The following SYNE1 variants were observed in gnomAD, a reference collection of about 807,000 sequenced individuals.
SYNE1 encodes the protein nesprin-1.
In SYNE1, 616 loss-of-function variants were observed where a neutral mutation model predicts 1,111.0. The observed-to-expected ratio is 0.55, with a 90% CI of 0.52 to 0.59. The LOEUF (loss-of-function observed/expected upper bound fraction) is 0.59, where lower values mean the gene tolerates loss of function less well. Ranked by LOEUF, SYNE1 falls within the 20% of genes least tolerant of loss-of-function variation. The probability of loss-of-function intolerance (pLI) is 0.00; values close to 1 mark genes in which losing one functional copy is unlikely to be tolerated. For missense variants in SYNE1, 10,006 were observed against 10,417.0 expected (o/e 0.96, Z 1.72); for synonymous variants, 3,855 against 3,825.8 (o/e 1.01, Z -0.28).
intron 11 of SYNE1, among the ~76,000 whole-genome samples, chr6:152,489,073 T>C (rs556171035): frequency 2.0e-5 from 3 of 152,328 alleles, no homozygotes; most frequent in African/African-American, 4.8e-5. Context: ...TATCAAGTTA[T>C]TTGGTGAATA....
chr6:152,344,287 T>C (rs1158426107), intron 73 of SYNE1, 60 bp from the exon 74 acceptor site: 19 of 1,609,388 alleles, frequency 1.2e-5, no homozygotes, highest in East Asian at 2.2e-5. Context: ...ATAAAGATCA[T>C]TCAAATTCAA....
At chr6:152,592,970 TG>T (rs753816754) in intron 3 of SYNE1, among the ~76,000 whole-genome samples, 5 of 152,132 alleles carry the variant, frequency 3.3e-5, no homozygotes, top group Non-Finnish European at 7.4e-5. Flanking sequence ...GCTCCTGGGG[TG>T]GGCTCTGACC....
intron 10 of SYNE1, among the ~76,000 whole-genome samples, chr6:152,500,728 T>G (rs2099024985): frequency 6.6e-6 from 1 of 151,976 alleles, no homozygotes; most frequent in South Asian, 2.1e-4. Flanking sequence ...GGTGAGAGGA[T>G]CATGAGGTTA....
chr6:152,161,507 T>G (rs1225187982), intron 131 of SYNE1, among the ~76,000 whole-genome samples: 1 of 152,042 alleles, frequency 6.6e-6, no homozygotes, highest in Non-Finnish European at 1.5e-5. Flanking sequence ...AAAAATGGCA[T>G]CCTATCATTT....
intron 65 of SYNE1, 107 bp downstream of exon 65, chr6:152,359,208 T>A (rs2096890249): frequency 6.6e-7 from 1 of 1,508,292 alleles, no homozygotes; most frequent in Non-Finnish European, 9.2e-7. Flanking sequence ...TTGCTTTTGT[T>A]CTGTTTTCCC....
chr6:152,308,703 GTAGTTTAACTCCTA>G, intron 90 of SYNE1, 71 bp from the exon 91 acceptor site: 1 of 1,512,756 alleles, frequency 6.6e-7, no homozygotes, highest in Non-Finnish European at 8.9e-7. Context: ...AAGTGATTCT[GTAGTTTAACTCCTA>G]TTTACCTGTA....
intron 64 of SYNE1, among the ~76,000 whole-genome samples, chr6:152,360,283 G>GTTTC (rs1413509572): frequency 6.6e-6 from 1 of 152,102 alleles, no homozygotes; most frequent in African/African-American, 2.4e-5. Context: ...CCTACTCTCT[G>GTTTC]CTGCAACAAC....
chr6:152,477,700 A>G (rs1413053085), intron 14 of SYNE1, among the ~76,000 whole-genome samples: 2 of 152,170 alleles, frequency 1.3e-5, no homozygotes, highest in Non-Finnish European at 2.9e-5. Flanking sequence ...TTTTGCTTAC[A>G]GATGTATCAC....
At position 152,353,363 on chromosome 6, in the gene SYNE1, G is replaced by T. The variant is rs1375339297; in HGVS notation, c.11153C>A (p.Ser3718Tyr). The T allele has an allele frequency of 1.2e-6, 2 of 1,614,072 alleles. No individual in the cohort carries two copies. Among genetic ancestry groups the T allele is most frequent in the African/African-American group, 2.7e-5 (2 of 74,924 alleles). Reference protein sequence around the residue: ...EESESSLSSYSDWYGSTHKNF... With the variant: ...EESESSLSSYYDWYGSTHKNF... ...TTTATGAGTAGAGCCATACCAATCA[G>T]AATAGGAACTGAGGGATGATTCTGA... Residue 3718 changes from serine (S) to tyrosine (Y), a missense_variant, in exon 69 of 146, where the codon TCT (serine) becomes TAT (tyrosine). By Grantham distance (144) the Ser-to-Tyr change is moderately radical. This residue lies in a region of SYNE1 where 4,955 missense variants were observed against 5,017.2 expected (regional missense o/e 0.99). Transcript: ENST00000367255.
At chr6:152,602,854 G>GGT (rs1320884059) in intron 3 of SYNE1, among the ~76,000 whole-genome samples, 1 of 152,108 alleles carries the variant, frequency 6.6e-6, no homozygotes, top group Non-Finnish European at 1.5e-5. Flanking sequence ...AATTGATGAA[G>GGT]GTGTGTGTGT....
chr6:152,222,195 C>T (rs1176282713), intron 117 of SYNE1, among the ~76,000 whole-genome samples: 1 of 152,220 alleles, frequency 6.6e-6, no homozygotes, highest in Non-Finnish European at 1.5e-5. Context: ...CTCCTTCTCT[C>T]CTTTGTTCAG....
At chr6:152,333,947 T>C (rs1355566656) in intron 77 of SYNE1, 61 bp downstream of exon 77, 3 of 1,610,484 alleles carry the variant, frequency 1.9e-6, no homozygotes, top group Non-Finnish European at 2.5e-6. Flanking sequence ...TTTAAATTTT[T>C]ATAGATATTA....
At chr6:152,323,127 T>C (rs2095922866) in intron 82 of SYNE1, among the ~76,000 whole-genome samples, 1 of 152,176 alleles carries the variant, frequency 6.6e-6, no homozygotes, top group African/African-American at 2.4e-5. Context: ...CTTCATAACC[T>C]ACTTATCCCA....
chr6:152,563,039 T>G (rs920650395), intron 3 of SYNE1, among the ~76,000 whole-genome samples: 1 of 142,780 alleles, frequency 7.0e-6, no homozygotes, highest in Non-Finnish European at 1.5e-5. Context: ...CAAATTATAA[T>G]AGAGGAAAAA....
chr6:152,435,762 T>G (rs1294685060), intron 33 of SYNE1, 179 bp downstream of exon 33: 1 of 735,036 alleles, frequency 1.4e-6, no homozygotes, highest in Middle Eastern at 3.9e-4. Context: ...GGCTCTGTTA[T>G]AGATATTGGT....
At chr6:152,560,686 T>C (rs2099392418) in intron 3 of SYNE1, among the ~76,000 whole-genome samples, 3 of 152,132 alleles carry the variant, frequency 2.0e-5, no homozygotes, top group Admixed American at 6.6e-5. Context: ...AAATTCTCAA[T>C]GAAACACTAG....
At chr6:152,544,750 T>C (rs1198748715) in intron 3 of SYNE1, among the ~76,000 whole-genome samples, 1 of 152,210 alleles carries the variant, frequency 6.6e-6, no homozygotes, top group Non-Finnish European at 1.5e-5. Context: ...TTCTTCCTGA[T>C]GAGTTATACT....
chr6:152,150,546 C>T lies in SYNE1; in HGVS notation c.24451-878G>A, dbSNP rs76621275. The stretch of plus-strand genomic sequence containing the variant: ...CTTCCATCCTGAGAATCCATGTCTA[C>T]GGGCAAGTTCCTTGTTTTATCATAA... On this transcript the variant is annotated intron_variant, in intron 135 of 145. Transcript: ENST00000367255. 3.2e-3 allele frequency among the ~76,000 whole-genome samples: 491 copies of T among 152,282 alleles called. 3 individuals are homozygous for T. Among genetic ancestry groups the T allele is most frequent in the Non-Finnish European group, 5.5e-3 (373 of 68,018 alleles).
chr6:152,412,437 A>G (rs1375146646), intron 42 of SYNE1, among the ~76,000 whole-genome samples: 1 of 152,114 alleles, frequency 6.6e-6, no homozygotes, highest in Non-Finnish European at 1.5e-5. Flanking sequence ...AAAAAAAAAA[A>G]AAAATGAATC....
Sources: allele counts gnomAD v4.1 joint callset (sites outside exome capture counted in the v4.1 genomes callset), GRCh38; gene constraint gnomAD v4.1.1; regional missense constraint gnomAD v4.1.1; transcripts MANE v1.5; gene names NCBI Gene and HGNC (gene_info 2026-07-23, HGNC 2026-07-21).